The following NUP160 variants were observed in gnomAD, a reference collection of about 807,000 sequenced individuals.
The protein encoded by NUP160 is nucleoporin 160.
Under a neutral mutation model 196.9 loss-of-function variants are expected in NUP160, and 94 were observed. The observed-to-expected ratio is 0.48, with a 90% confidence interval of 0.40 to 0.57. The LOEUF (loss-of-function observed/expected upper bound fraction) is 0.57. NUP160 is among the 20% of genes least tolerant of loss of function. The probability of loss-of-function intolerance (pLI) is 0.00; values close to 1 mark genes in which losing one functional copy is unlikely to be tolerated. For synonymous variants in NUP160, 605 were observed against 619.7 expected, an observed-to-expected ratio of 0.98 and a Z score of 0.35; for missense variants, 1,638 against 1,748.3, an observed-to-expected ratio of 0.94 and a Z score of 1.13.
intron 27 of NUP160, 41 bp from the exon 28 acceptor site, chr11:47,792,987 T>A (rs768577768): frequency 2.6e-6 from 4 of 1,557,582 alleles, no homozygotes; most frequent in Non-Finnish European, 2.6e-6. Flanking sequence ...ACTTCCAAAT[T>A]TTTTTTTCTT....
At chr11:47,805,320 G>C (rs759027031) in intron 20 of NUP160, among the ~76,000 whole-genome samples, 3 of 152,018 alleles carry the variant, frequency 2.0e-5, no homozygotes, top group African/African-American at 7.2e-5. Context: ...TTGTAGAGGC[G>C]AGGTTTCACC....
chr11:47,831,057 G>T (rs1024113328), intron 7 of NUP160, among the ~76,000 whole-genome samples: 1 of 152,122 alleles, frequency 6.6e-6, no homozygotes, highest in African/African-American at 2.4e-5. Flanking sequence ...CAGCTACTTG[G>T]GGGACTGAGG....
intron 7 of NUP160, among the ~76,000 whole-genome samples, chr11:47,827,899 TC>T (rs1852003515): frequency 6.6e-6 from 1 of 152,180 alleles, no homozygotes; most frequent in Admixed American, 6.6e-5. Context: ...GAGACAGGGT[TC>T]CGCTCTGTTG....
chr11:47,837,566 C>T, exon 5 of NUP160: 1 of 1,614,062 alleles, frequency 6.2e-7, no homozygotes, highest in Admixed American at 1.7e-5. Context: ...TGGCATCCAG[C>T]CTGTAAGCAA....
chr11:47,785,611 C>T (rs766626026), intron 32 of NUP160, among the ~76,000 whole-genome samples: 3 of 152,054 alleles, frequency 2.0e-5, no homozygotes, highest in African/African-American at 4.8e-5. Context: ...AGTAAATGAA[C>T]GTTATTTGTT....
At chr11:47,846,092 C>T (rs1243148613) in intron 2 of NUP160, among the ~76,000 whole-genome samples, 2 of 150,028 alleles carry the variant, frequency 1.3e-5, no homozygotes, top group Non-Finnish European at 3.0e-5. Context: ...GCCATAATTG[C>T]ACCAATGCAC....
At chr11:47,815,683 T>C in intron 12 of NUP160, 34 bp from the exon 13 acceptor site, 1 of 1,524,444 alleles carries the variant, frequency 6.6e-7, no homozygotes, top group African/African-American at 1.4e-5. Context: ...ATTAAACTTT[T>C]GATGCCATTC....
chr11:47,830,439 T>C (rs373706445), intron 7 of NUP160, among the ~76,000 whole-genome samples: 1 of 152,118 alleles, frequency 6.6e-6, no homozygotes, highest in African/African-American at 2.4e-5. Flanking sequence ...CTGTTCACAA[T>C]AGCAAAGACA....
chr11:47,811,938 G>T, intron 17 of NUP160, 126 bp downstream of exon 17: 1 of 737,060 alleles, frequency 1.4e-6, no homozygotes, highest in Non-Finnish European at 2.2e-6. Context: ...GGCCAAGCTT[G>T]GGAGAATAAA....
At chr11:47,834,959 GCACC>G (rs1001977633) in intron 7 of NUP160, among the ~76,000 whole-genome samples, 1 of 152,028 alleles carries the variant, frequency 6.6e-6, no homozygotes, top group Non-Finnish European at 1.5e-5. Context: ...GGTAAGGAGG[GCACC>G]CACATTGGAG....
intron 29 of NUP160, among the ~76,000 whole-genome samples, chr11:47,790,675 G>A (rs1484026329): frequency 6.6e-6 from 1 of 152,176 alleles, no homozygotes. Context: ...GATTGCTTGA[G>A]TCCAGGAGTT....
chr11:47,815,992 G>A (rs781566875), exon 12 of NUP160: 27 of 1,613,758 alleles, frequency 1.7e-5, no homozygotes, highest in Non-Finnish European at 2.1e-5. Flanking sequence ...TTCACTCCAG[G>A]AAAGATCCAA....
chr11:47,839,921 C>T (rs374862413), exon 4 of NUP160: 1 of 1,614,186 alleles, frequency 6.2e-7, no homozygotes, highest in Non-Finnish European at 8.5e-7. Context: ...GCCTCCCCAT[C>T]ACTGCTGAGC....
At chr11:47,837,344 T>C (rs150524258) in intron 5 of NUP160, among the ~76,000 whole-genome samples, 93 of 152,290 alleles carry the variant, frequency 6.1e-4, no homozygotes, top group African/African-American at 2.2e-3. Context: ...AACAGGCCGA[T>C]TTATGCTGAC....
chr11:47,841,162 T>C (rs1248341841), intron 2 of NUP160, among the ~76,000 whole-genome samples: 1 of 152,176 alleles, frequency 6.6e-6, no homozygotes, highest in Non-Finnish European at 1.5e-5. Flanking sequence ...ATTCTAACTT[T>C]CATTATTACT....
At position 47,821,790 on chromosome 11, in the gene NUP160, G is replaced by A. The variant is rs752106306; in HGVS notation, c.1211C>T (p.Thr404Met). The change falls in exon 9 of 36, where the codon ACG becomes ATG. Residue 404 changes from threonine (T) to methionine (M), a missense_variant. Thr to Met is a moderately conservative substitution (Grantham distance 81). Around this residue, in one of 3 missense-constraint regions of NUP160, gnomAD observed 1,345 missense variants for 1,470.2 expected, o/e 0.91. Coordinates refer to ENST00000378460, the Ensembl canonical transcript of NUP160. Reference sequence around the variant, plus strand: ...ATCATGCCACAGGGCCCAGATATCCGTGGAAGTTAAGGCAAAGTCAATCAG... The same window carrying A: ...ATCATGCCACAGGGCCCAGATATCCATGGAAGTTAAGGCAAAGTCAATCAG... 3.1e-6 allele frequency: 5 copies of A among 1,614,024 alleles called. No homozygotes were observed. The South Asian group carries it at 4.4e-5, about 14-fold the overall frequency.
intron 33 of NUP160, 106 bp from the exon 34 acceptor site, chr11:47,783,304 T>C: frequency 1.4e-6 from 2 of 1,386,568 alleles, no homozygotes; most frequent in Non-Finnish European, 9.7e-7. Flanking sequence ...TTTCTCAATA[T>C]AATTAAACCA....
intron 11 of NUP160, 49 bp from the exon 12 acceptor site, chr11:47,816,078 T>A: frequency 7.7e-7 from 1 of 1,294,952 alleles, no homozygotes; most frequent in Non-Finnish European, 1.1e-6. Context: ...CAAAACTGAA[T>A]GGAAAACGTT....
chr11:47,796,624 TTAA>T (rs2097671035), intron 27 of NUP160, among the ~76,000 whole-genome samples: 1 of 152,192 alleles, frequency 6.6e-6, no homozygotes, highest in South Asian at 2.1e-4. Flanking sequence ...ATTCACTGCG[TTAA>T]TGTTTTAACT....
Sources: gnomAD v4.1 joint callset for allele counts (sites outside exome capture counted in the v4.1 genomes callset) on GRCh38, gnomAD v4.1.1 for gene constraint, gnomAD v4.1.1 regional missense constraint, MANE v1.5 for transcripts, NCBI Gene and HGNC (gene_info 2026-07-23, HGNC 2026-07-21) for gene names.